Variants in MSI2 observed in about 807,000 individuals in gnomAD.
MSI2 encodes the protein RNA-binding protein Musashi homolog 2.
Under a neutral mutation model 45.6 loss-of-function variants are expected in MSI2, and 17 were observed. The observed-to-expected ratio is 0.37, with a 90% CI of 0.26 to 0.56. MSI2 has a LOEUF of 0.56. Among genes scored for constraint, MSI2 ranks in the 20% least tolerant of loss-of-function variants. The probability of loss-of-function intolerance (pLI) is 0.77; values close to 1 mark genes in which losing one functional copy is unlikely to be tolerated. For missense variants in MSI2, 293 were observed against 444.2 expected, an observed-to-expected ratio of 0.66 and a Z score of 3.06; for synonymous variants, 156 against 158.2, an observed-to-expected ratio of 0.99 and a Z score of 0.11.
rs35606406 is a variant in MSI2, at chr17:57,597,466, T to TAAAAAAAAAAAAAAAAAA, written c.537+523_537+540dup. On this transcript the variant is annotated intron_variant, in intron 8 of 13. Transcript: ENST00000284073. Reference sequence around the variant, plus strand: ...GGAAACATAGCCAGACCTCATCTCTTAAAAAAAAAAAAAAAAAAAAAAAAT... The same window carrying TAAAAAAAAAAAAAAAAAA: ...GGAAACATAGCCAGACCTCATCTCTTAAAAAAAAAAAAAAAAAAAAAAAAAAAAAAAAAAAAAAAAAAT... 6.9e-5 allele frequency among the ~76,000 whole-genome samples: 6 copies of TAAAAAAAAAAAAAAAAAA among 87,106 alleles called. No homozygotes were observed. The East Asian group carries it at 1.1e-3, about 16-fold the overall frequency. 57.1% of individuals were successfully genotyped at this position (87,106 alleles called of 152,430 possible).
At chr17:57,545,533 G>A (rs577754342) in intron 7 of MSI2, among the ~76,000 whole-genome samples, 3 of 149,578 alleles carry the variant, frequency 2.0e-5, no homozygotes, top group Admixed American at 2.0e-4. Flanking sequence ...GGAAACTTCT[G>A]TGTGTGTGTT....
At chr17:57,632,765 G>A in intron 10 of MSI2, 2 of 1,065,896 alleles carry the variant, frequency 1.9e-6, no homozygotes, top group Non-Finnish European at 2.3e-6. Context: ...CTTTGTCTGT[G>A]CTGGTAGTTT....
At chr17:57,549,995 G>A (rs1362507) in intron 7 of MSI2, among the ~76,000 whole-genome samples, 42,736 of 152,072 alleles carry the variant, frequency 0.28, 6,300 homozygotes, top group African/African-American at 0.37. Context: ...GCTGGAGCAG[G>A]AGCAGCATCT....
intron 5 of MSI2, among the ~76,000 whole-genome samples, chr17:57,357,327 C>T (rs558925635): frequency 1.3e-5 from 2 of 152,246 alleles, no homozygotes; most frequent in South Asian, 4.2e-4. Context: ...CCCAAGGCCA[C>T]CCAGAGTCAG....
At chr17:57,673,048 A>G (rs1912931172) in intron 11 of MSI2, among the ~76,000 whole-genome samples, 1 of 152,300 alleles carries the variant, frequency 6.6e-6, no homozygotes, top group Middle Eastern at 3.4e-3. Context: ...CTACAGCTTC[A>G]GAGGGGCTCA....
chr17:57,385,980 C>T (rs188761458), intron 5 of MSI2, among the ~76,000 whole-genome samples: 5,761 of 152,152 alleles, frequency 0.038, 137 homozygotes, highest in Non-Finnish European at 0.049. Flanking sequence ...TGGTTGATGT[C>T]GATTGGAATG....
intron 5 of MSI2, among the ~76,000 whole-genome samples, chr17:57,306,279 G>A (rs1911882358): frequency 2.0e-5 from 3 of 151,936 alleles, no homozygotes; most frequent in Non-Finnish European, 4.4e-5. Context: ...GTTCACTGCC[G>A]CCTATAGAGA....
At chr17:57,558,259 C>T (rs1477009244) in intron 7 of MSI2, among the ~76,000 whole-genome samples, 1 of 152,110 alleles carries the variant, frequency 6.6e-6, no homozygotes, top group Non-Finnish European at 1.5e-5. Context: ...ACGCAGCCAT[C>T]CGAGGGAAGA....
At chr17:57,273,813 G>A (rs566261494) in intron 5 of MSI2, among the ~76,000 whole-genome samples, 2 of 152,320 alleles carry the variant, frequency 1.3e-5, no homozygotes, top group Non-Finnish European at 2.9e-5. Flanking sequence ...AAGCTATAAA[G>A]AGACGGTGGA....
At chr17:57,614,052 TA>T (rs201060168) in intron 8 of MSI2, among the ~76,000 whole-genome samples, 2 of 152,008 alleles carry the variant, frequency 1.3e-5, no homozygotes, top group East Asian at 1.9e-4. Context: ...TCGTTTTATT[TA>T]TTTTTTTTAT....
At chr17:57,419,838 G>A (rs776060730) in intron 6 of MSI2, among the ~76,000 whole-genome samples, 4 of 152,136 alleles carry the variant, frequency 2.6e-5, no homozygotes, top group African/African-American at 7.2e-5. Context: ...TGGTCTCTTC[G>A]GTCAGGACGC....
intron 10 of MSI2, among the ~76,000 whole-genome samples, chr17:57,648,008 G>A (rs1158762934): frequency 6.6e-6 from 1 of 151,862 alleles, no homozygotes; most frequent in African/African-American, 2.4e-5. Flanking sequence ...TCTCACCCAG[G>A]CTGGAGTGCA....
chr17:57,659,267 T>A (rs1278081018), intron 11 of MSI2, among the ~76,000 whole-genome samples: 2 of 151,960 alleles, frequency 1.3e-5, no homozygotes, highest in East Asian at 3.9e-4. Context: ...TTTTTGTTTG[T>A]TTGTTTTTGG....
At chr17:57,607,675 C>T (rs188634886) in intron 8 of MSI2, among the ~76,000 whole-genome samples, 1 of 152,158 alleles carries the variant, frequency 6.6e-6, no homozygotes, top group Non-Finnish European at 1.5e-5. Context: ...TAAAGAAATA[C>T]CTGAGACTGG....
At chr17:57,460,699 G>A (rs1431043135) in intron 6 of MSI2, among the ~76,000 whole-genome samples, 1 of 152,148 alleles carries the variant, frequency 6.6e-6, no homozygotes, top group Non-Finnish European at 1.5e-5. Context: ...GAGGTGGGCA[G>A]GGGCAGGTCC....
intron 5 of MSI2, among the ~76,000 whole-genome samples, chr17:57,375,340 A>G (rs1327382889): frequency 6.6e-6 from 1 of 152,220 alleles, no homozygotes; most frequent in Non-Finnish European, 1.5e-5. Flanking sequence ...TTTGTAAAAC[A>G]TTCTGCTTTG....
chr17:57,397,254 G>T (rs1487988600), intron 5 of MSI2, among the ~76,000 whole-genome samples: 1 of 152,074 alleles, frequency 6.6e-6, no homozygotes, highest in East Asian at 1.9e-4. Context: ...GAGGATTTTT[G>T]TTTTTTTATA....
At chr17:57,524,241 G>A (rs556555302) in intron 6 of MSI2, among the ~76,000 whole-genome samples, 4 of 152,254 alleles carry the variant, frequency 2.6e-5, no homozygotes, top group East Asian at 1.9e-4. Flanking sequence ...TCCCCCCACC[G>A]CATTTTATTA....
intron 6 of MSI2, among the ~76,000 whole-genome samples, chr17:57,467,033 A>T (rs1020984184): frequency 2.0e-5 from 3 of 152,196 alleles, no homozygotes; most frequent in Non-Finnish European, 4.4e-5. Flanking sequence ...TTATATGTGG[A>T]GTCACTGTGT....
Sources: allele counts gnomAD v4.1 joint callset (sites outside exome capture counted in the v4.1 genomes callset), GRCh38; gene constraint gnomAD v4.1.1; transcripts MANE v1.5; gene names NCBI Gene and HGNC (gene_info 2026-07-23, HGNC 2026-07-21).